RCAN3: variants seen among roughly 807,000 people sequenced by gnomAD.
RCAN3 encodes regulator of calcineurin 3.
RCAN3 carries 19 observed loss-of-function variants against 21.9 expected under a neutral mutation model. That is an observed-to-expected ratio of 0.87 (90% CI 0.61 to 1.27). The LOEUF (loss-of-function observed/expected upper bound fraction) is 1.27, where lower values mean the gene tolerates loss of function less well. Ranked by LOEUF, RCAN3 falls within the 50% of genes most tolerant of loss-of-function variation. The probability of loss-of-function intolerance (pLI) is 0.00; values close to 1 mark genes in which losing one functional copy is unlikely to be tolerated. For synonymous variants in RCAN3, 114 were observed against 112.3 expected, an observed-to-expected ratio of 1.01 and a Z score of -0.09; for missense variants, 240 against 300.1, an observed-to-expected ratio of 0.80 and a Z score of 1.48.
At chr1:24,518,466 T>A (rs7521450) in intron 2 of RCAN3, among the ~76,000 whole-genome samples, 10,603 of 152,262 alleles carry the variant, frequency 0.07, 1,182 homozygotes, top group African/African-American at 0.23. Context: ...ATGCATGTAC[T>A]CTGCTAATCA....
chr1:24,524,823 C>CTTT (rs1408221197), intron 2 of RCAN3, among the ~76,000 whole-genome samples: 5 of 115,906 alleles, frequency 4.3e-5, no homozygotes, highest in Non-Finnish European at 3.5e-5. Context: ...ATTTTGTTTT[C>CTTT]TTTTGTTTTT....
At position 24,537,220 on chromosome 1, in the gene RCAN3, C is replaced by T. The variant is rs1191896576; in HGVS notation, c.*1943C>T. ...CCATTAAAGAATATTCTATTCCTAA[C>T]ACATAAAACATTTTACAGTCAAGCA... On this transcript the variant is annotated 3_prime_UTR_variant, in exon 5 of 5. Transcript: ENST00000374395. 6.6e-6 allele frequency: 1 copy of T among 152,036 alleles called. No individual in the cohort carries two copies. Among genetic ancestry groups the T allele is most frequent in the African/African-American group, 2.4e-5 (1 of 41,388 alleles). 9.4% of individuals were successfully genotyped at this position (152,036 alleles called of 1,614,324 possible).
chr1:24,505,046 C>T (rs1034268832), intron 1 of RCAN3, among the ~76,000 whole-genome samples: 2 of 151,994 alleles, frequency 1.3e-5, no homozygotes, highest in African/African-American at 4.8e-5. Flanking sequence ...AATTTTCACC[C>T]GTTTTACTTT....
intron 2 of RCAN3, among the ~76,000 whole-genome samples, chr1:24,526,658 G>T (rs1649300613): frequency 6.6e-6 from 1 of 152,094 alleles, no homozygotes; most frequent in Non-Finnish European, 1.5e-5. Flanking sequence ...TTAATGTACA[G>T]AATTACAAAG....
chr1:24,532,972 A>AAAAAAAATTTTTAATTTTAT, intron 3 of RCAN3, 111 bp from the exon 4 acceptor site: 1 of 734,192 alleles, frequency 1.4e-6, no homozygotes, highest in Non-Finnish European at 1.9e-6. Flanking sequence ...AAAAAAAAAA[A>AAAAAAAATTTTTAATTTTAT]AAAGAAATGT....
In RCAN3 at chr1:24,539,509, A is replaced by G. The variant is rs971122478; in HGVS notation, c.*4232A>G. 2 of 152,240 alleles carry G rather than the reference A, an allele frequency of 1.3e-5. No individual in the cohort carries two copies. Among genetic ancestry groups the G allele is most frequent in the Non-Finnish European group, 2.9e-5 (2 of 68,040 alleles). The allele number at this position is 152,240 out of a possible 1,614,324, so 9.4% of individuals were successfully genotyped here. On this transcript the variant is annotated 3_prime_UTR_variant, in exon 5 of 5. Transcript: ENST00000374395. ...TGACTAATAGTCGTACTTAAGAGGT[A>G]ACTCTACTAAAGCAGAATGAGATCT...
intron 2 of RCAN3, among the ~76,000 whole-genome samples, chr1:24,515,670 T>C (rs1648259569): frequency 6.6e-6 from 1 of 152,180 alleles, no homozygotes; most frequent in Admixed American, 6.5e-5. Flanking sequence ...CAATACCGTT[T>C]AACTCAGGAC....
rs1650442301 is a variant in RCAN3 at position 24,540,609 on chromosome 1, G to A, written c.*5332G>A. ...CAACCCCACGTGATTGTTGATTGAC[G>A]GTTCTGCTATAATGTGCGTGCCCTT... On this transcript the variant is annotated 3_prime_UTR_variant, in exon 5 of 5. Transcript: ENST00000374395. 1 of 152,092 alleles carries A rather than the reference G, an allele frequency of 6.6e-6. No homozygotes were observed. The highest frequency in any genetic ancestry group is 1.5e-5 in the Non-Finnish European group (1 of 68,026). The allele number at this position is 152,092 out of a possible 1,614,324, so 9.4% of individuals were successfully genotyped here.
At chr1:24,518,519 C>A (rs1648526951) in intron 2 of RCAN3, among the ~76,000 whole-genome samples, 1 of 151,944 alleles carries the variant, frequency 6.6e-6, no homozygotes, top group Admixed American at 6.6e-5. Flanking sequence ...CTTCATTTTT[C>A]TTTGACAGAT....
intron 4 of RCAN3, among the ~76,000 whole-genome samples, chr1:24,533,965 T>G (rs182061568): frequency 2.6e-3 from 403 of 152,312 alleles, no homozygotes; most frequent in Non-Finnish European, 4.6e-3. Context: ...AAACAACAAC[T>G]ACTTTGAATA....
At chr1:24,510,856 A>C (rs180834301) in intron 1 of RCAN3, among the ~76,000 whole-genome samples, 112 of 152,316 alleles carry the variant, frequency 7.4e-4, no homozygotes, top group African/African-American at 2.6e-3. Flanking sequence ...TGAGAGACTC[A>C]GGATGCTTCC....
At chr1:24,534,444 A>C (rs1260171966) in intron 4 of RCAN3, among the ~76,000 whole-genome samples, 1 of 152,142 alleles carries the variant, frequency 6.6e-6, no homozygotes, top group African/African-American at 2.4e-5. Context: ...CTCTACTAAA[A>C]ATACAAAAAC....
At chr1:24,526,279 A>T (rs1020215436) in intron 2 of RCAN3, among the ~76,000 whole-genome samples, 2 of 151,982 alleles carry the variant, frequency 1.3e-5, no homozygotes, top group African/African-American at 4.8e-5. Context: ...GTTTGTAGAG[A>T]TGGGGTCTTG....
At chr1:24,528,858 G>T (rs1236361866) in intron 2 of RCAN3, among the ~76,000 whole-genome samples, 1 of 152,026 alleles carries the variant, frequency 6.6e-6, no homozygotes, top group African/African-American at 2.4e-5. Flanking sequence ...TACTGAACAT[G>T]TTTATAATAC....
intron 2 of RCAN3, among the ~76,000 whole-genome samples, chr1:24,526,363 A>G (rs151132918): frequency 1.0e-3 from 153 of 152,174 alleles, no homozygotes; most frequent in African/African-American, 3.4e-3. Context: ...GTGCCTGGCC[A>G]TTTTGTTATA....
chr1:24,523,997 G>T (rs1649043209), intron 2 of RCAN3, among the ~76,000 whole-genome samples: 1 of 152,076 alleles, frequency 6.6e-6, no homozygotes, highest in Admixed American at 6.6e-5. Flanking sequence ...AGGCCGAGGT[G>T]GGTGGATCAC....
chr1:24,503,051 C>G lies in RCAN3; in HGVS notation c.-159C>G, dbSNP rs1462983858. On this transcript the variant is annotated 5_prime_UTR_variant, in exon 1 of 5. Transcript: ENST00000374395. ...CTCGCGCCGTCCGGCTCCCCGCAGC[C>G]CCGTCGGGCAGCCCGGGCCCGTCCG... 1 of 149,736 alleles carries G rather than the reference C, an allele frequency of 6.7e-6. No individual in the cohort carries two copies. The highest frequency in any genetic ancestry group is 1.5e-5 in the Non-Finnish European group (1 of 67,136). 9.3% of individuals were successfully genotyped at this position (149,736 alleles called of 1,614,324 possible). A position where few individuals can be genotyped will look rare whatever the true frequency, so the allele number is the denominator to read the frequency against.
intron 4 of RCAN3, among the ~76,000 whole-genome samples, chr1:24,534,658 G>T (rs1293530543): frequency 6.6e-6 from 1 of 151,128 alleles, no homozygotes; most frequent in Non-Finnish European, 1.5e-5. Flanking sequence ...AAATTAGCTG[G>T]GCGTGGTGGC....
chr1:24,523,303 G>C (rs1005987165), intron 2 of RCAN3, among the ~76,000 whole-genome samples: 3 of 152,052 alleles, frequency 2.0e-5, no homozygotes, highest in Non-Finnish European at 2.9e-5. Context: ...GACCTCAGGT[G>C]ATCCGCCCGC....
Sources: allele counts gnomAD v4.1 joint callset (sites outside exome capture counted in the v4.1 genomes callset), GRCh38; gene constraint gnomAD v4.1.1; transcripts MANE v1.5; gene names NCBI Gene and HGNC (gene_info 2026-07-23, HGNC 2026-07-21).